PCDH9: variants seen among roughly 807,000 people sequenced by gnomAD.
The protein encoded by PCDH9 is protocadherin-9.
In PCDH9, 24 loss-of-function variants were observed where a neutral mutation model predicts 70.6. That is an observed-to-expected ratio of 0.34 (90% CI 0.25 to 0.48). PCDH9 has a LOEUF of 0.48. Ranked by LOEUF, PCDH9 falls within the 20% of genes least tolerant of loss-of-function variation. The pLI, the probability that PCDH9 is intolerant of heterozygous loss-of-function variation, is 0.99. For missense variants in PCDH9, 1,281 were observed against 1,503.6 expected (o/e 0.85, Z 2.45); for synonymous variants, 562 against 558.5 (o/e 1.01, Z -0.09).
chr13:66,896,342 ACAC>A (rs1403321673), intron 3 of PCDH9, among the ~76,000 whole-genome samples: 1 of 150,804 alleles, frequency 6.6e-6, no homozygotes, highest in Non-Finnish European at 1.5e-5. Context: ...CCTCGGGAAA[ACAC>A]CACAAATGTA....
At chr13:66,920,463 T>A (rs562540031) in intron 2 of PCDH9, among the ~76,000 whole-genome samples, 2 of 151,182 alleles carry the variant, frequency 1.3e-5, no homozygotes, top group South Asian at 4.1e-4. Flanking sequence ...AATGATGGAT[T>A]TCACTGTCTG....
At chr13:66,334,793 A>C (rs1458863877) in intron 4 of PCDH9, among the ~76,000 whole-genome samples, 1 of 152,094 alleles carries the variant, frequency 6.6e-6, no homozygotes, top group Non-Finnish European at 1.5e-5. Context: ...CACAACAAAA[A>C]AAATTTCTTT....
chr13:66,724,039 G>C (rs1862567222), intron 3 of PCDH9, among the ~76,000 whole-genome samples: 1 of 152,176 alleles, frequency 6.6e-6, no homozygotes, highest in Non-Finnish European at 1.5e-5. Flanking sequence ...ATGAAGTAAA[G>C]AAATGAAAGT....
intron 3 of PCDH9, among the ~76,000 whole-genome samples, chr13:66,712,629 C>T (rs1230337194): frequency 6.6e-6 from 1 of 152,096 alleles, no homozygotes; most frequent in Non-Finnish European, 1.5e-5. Flanking sequence ...GGATAACTTC[C>T]TCTCCAATTG....
At chr13:66,721,990 G>A (rs1036211627) in intron 3 of PCDH9, among the ~76,000 whole-genome samples, 1 of 152,124 alleles carries the variant, frequency 6.6e-6, no homozygotes. Context: ...ACCTCAAGGG[G>A]ACATCCTAGT....
chr13:66,606,754 AT>A (rs911513966), intron 4 of PCDH9, among the ~76,000 whole-genome samples: 5 of 150,656 alleles, frequency 3.3e-5, no homozygotes, highest in Admixed American at 6.6e-5. Context: ...TAAAACTGGC[AT>A]TTTTTTTTCA....
At chr13:66,800,173 C>T (rs894355207) in intron 3 of PCDH9, among the ~76,000 whole-genome samples, 7 of 152,170 alleles carry the variant, frequency 4.6e-5, no homozygotes, top group Admixed American at 3.9e-4. Flanking sequence ...ATCCCTCTAA[C>T]CACATAACTC....
chr13:66,811,145 A>T (rs1183374694), intron 3 of PCDH9, among the ~76,000 whole-genome samples: 1 of 152,216 alleles, frequency 6.6e-6, no homozygotes, highest in African/African-American at 2.4e-5. Flanking sequence ...TAATTCAGTA[A>T]AAAAATTGTT....
chr13:66,423,266 C>T, intron 4 of PCDH9, among the ~76,000 whole-genome samples: 1 of 151,866 alleles, frequency 6.6e-6, no homozygotes, highest in Non-Finnish European at 1.5e-5. Context: ...GGGACCATTC[C>T]TTCTGAAACT....
chr13:66,438,889 A>G (rs1206107572), intron 4 of PCDH9, among the ~76,000 whole-genome samples: 1 of 152,220 alleles, frequency 6.6e-6, no homozygotes, highest in Non-Finnish European at 1.5e-5. Flanking sequence ...AAGCCAACTC[A>G]GTAAGCAGAG....
intron 4 of PCDH9, among the ~76,000 whole-genome samples, chr13:66,512,655 C>T (rs1460015269): frequency 1.3e-5 from 2 of 148,860 alleles, no homozygotes; most frequent in East Asian, 3.8e-4. Context: ...CACACAGACA[C>T]AAACACAGAT....
At chr13:66,342,078 T>A (rs1465324077) in intron 4 of PCDH9, among the ~76,000 whole-genome samples, 3 of 152,222 alleles carry the variant, frequency 2.0e-5, no homozygotes, top group African/African-American at 7.2e-5. Flanking sequence ...TTGACATCAT[T>A]ATTTCTGAAT....
chr13:66,685,707 G>A (rs1008214238), intron 3 of PCDH9, among the ~76,000 whole-genome samples: 1 of 152,200 alleles, frequency 6.6e-6, no homozygotes, highest in Non-Finnish European at 1.5e-5. Flanking sequence ...CATGTGGGTG[G>A]AGCTGCCCAA....
chr13:67,003,339 G>A (rs924746380), intron 2 of PCDH9, among the ~76,000 whole-genome samples: 1 of 151,794 alleles, frequency 6.6e-6, no homozygotes, highest in African/African-American at 2.4e-5. Flanking sequence ...ATACATTCTG[G>A]CCCTTTGAAT....
intron 2 of PCDH9, among the ~76,000 whole-genome samples, chr13:67,177,847 A>G (rs1003526633): frequency 4.6e-5 from 7 of 152,078 alleles, no homozygotes; most frequent in African/African-American, 1.7e-4. Flanking sequence ...AGCCCAGTGC[A>G]TATAATAATT....
Position 66,730,876 on chromosome 13 carries a change from G to GTGTTTTTTTTTTTT in PCDH9, c.3139-99466_3139-99465insAAAAAAAAAAAACA, listed in dbSNP as rs1555262846. 1.5e-4 allele frequency among the ~76,000 whole-genome samples: 7 copies of GTGTTTTTTTTTTTT among 46,358 alleles called. 1 individual carries two copies. Among genetic ancestry groups the GTGTTTTTTTTTTTT allele is most frequent in the African/African-American group, 3.0e-4 (4 of 13,278 alleles). 30.4% of individuals were successfully genotyped at this position (46,358 alleles called of 152,430 possible). Reference sequence around the variant, plus strand: ...TGTTTTTGTTTTTTTGTGTGTGTGTGTTTTTTTTTTGTTTGTTTCTTTTTT... The same window carrying GTGTTTTTTTTTTTT: ...TGTTTTTGTTTTTTTGTGTGTGTGTGTGTTTTTTTTTTTTTTTTTTTTTTGTTTGTTTCTTTTTT... On this transcript the variant is annotated intron_variant, in intron 3 of 4. Coordinates refer to ENST00000377865, the MANE Select transcript of PCDH9 (RefSeq NM_203487.3).
intron 2 of PCDH9, among the ~76,000 whole-genome samples, chr13:67,127,026 T>C (rs1366535970): frequency 6.6e-6 from 1 of 152,140 alleles, no homozygotes; most frequent in Non-Finnish European, 1.5e-5. Flanking sequence ...TACTATGTCT[T>C]AGGTGGGAAA....
At chr13:66,498,307 C>T (rs1959150101) in intron 4 of PCDH9, among the ~76,000 whole-genome samples, 1 of 151,782 alleles carries the variant, frequency 6.6e-6, no homozygotes, top group Admixed American at 6.6e-5. Flanking sequence ...ACCACGCCCA[C>T]CTAATTTTTG....
chr13:66,577,336 G>A (rs1344572506), intron 4 of PCDH9, among the ~76,000 whole-genome samples: 1 of 151,554 alleles, frequency 6.6e-6, no homozygotes, highest in African/African-American at 2.4e-5. Context: ...ACTCTATCCT[G>A]GACTTCAGAA....
Sources: gnomAD v4.1 joint callset for allele counts (sites outside exome capture counted in the v4.1 genomes callset) on GRCh38, gnomAD v4.1.1 for gene constraint, MANE v1.5 for transcripts, NCBI Gene and HGNC (gene_info 2026-07-23, HGNC 2026-07-21) for gene names.